The following PLA2G4D variants were observed in gnomAD, a reference collection of about 807,000 sequenced individuals.
PLA2G4D encodes phospholipase A2 group IVD, also known as cytosolic phospholipase A2 delta.
A neutral mutation model predicts 94.4 loss-of-function variants in PLA2G4D; 80 were observed. That is an observed-to-expected ratio of 0.85 (90% CI 0.71 to 1.02). The LOEUF is 1.02. Ranked by LOEUF, PLA2G4D falls within the 50% of genes least tolerant of loss-of-function variation. PLA2G4D has a pLI of 0.00. For missense variants in PLA2G4D, 1,050 were observed against 1,034.7 expected (o/e 1.01, Z -0.20); for synonymous variants, 438 against 440.9 (o/e 0.99, Z 0.08).
intron 1 of PLA2G4D, among the ~76,000 whole-genome samples, chr15:42,089,820 T>C (rs1482764471): frequency 2.2e-4 from 34 of 152,192 alleles, no homozygotes; most frequent in Non-Finnish European, 5.9e-5. Flanking sequence ...CTAAAGTCAC[T>C]TGGGCTACTG....
At position 42,069,940 on chromosome 15, in the gene PLA2G4D, G is replaced by T. The variant is rs201643160; in HGVS notation, c.2199C>A (p.Val733=). Residue 733 remains valine, a synonymous_variant, in exon 19 of 20, where the codon GTC becomes GTA. Coordinates refer to ENST00000290472, the MANE Select transcript of PLA2G4D (RefSeq NM_178034.4). Reference sequence around the variant, plus strand: ...CTGAGTGGTCCTTGAAGGAGGCATTGACCAGCGGGAAGTGCAGCAGGATCG... The same window carrying T: ...CTGAGTGGTCCTTGAAGGAGGCATTTACCAGCGGGAAGTGCAGCAGGATCG... ...EAPILLHFPL[V]NASFKDHSAP... is the part of the protein sequence containing the mutation. 1.4e-6 allele frequency: 2 copies of T among 1,446,484 alleles called. No individual in the cohort carries two copies. Among genetic ancestry groups the T allele is most frequent in the Non-Finnish European group, 1.8e-6 (2 of 1,101,752 alleles). 89.6% of individuals were successfully genotyped at this position (1,446,484 alleles called of 1,614,324 possible). A position where few individuals can be genotyped will look rare whatever the true frequency, so the allele number is the denominator to read the frequency against.
rs1273523218 is a variant in PLA2G4D, at chr15:42,068,334, G to C, written c.*381C>G. ...AGGCAATGTGTTCAGGATGTCTTGT[G>C]ATTCCCGAGGCCTGAAGCCACCTGT... is the stretch of plus-strand genomic sequence containing the variant. On this transcript the variant is annotated 3_prime_UTR_variant, in exon 20 of 20. Coordinates refer to ENST00000290472, the MANE Select transcript of PLA2G4D (RefSeq NM_178034.4). 4.5e-6 allele frequency: 1 copy of C among 220,046 alleles called. No homozygotes were observed. Among genetic ancestry groups the C allele is most frequent in the Non-Finnish European group, 9.1e-6 (1 of 109,788 alleles). 13.6% of individuals were successfully genotyped at this position (220,046 alleles called of 1,614,324 possible). A position where few individuals can be genotyped will look rare whatever the true frequency, so the allele number is the denominator to read the frequency against.
chr15:42,086,023 G>A (rs535371539), intron 4 of PLA2G4D, among the ~76,000 whole-genome samples, 190 bp downstream of exon 4: 1 of 152,378 alleles, frequency 6.6e-6, no homozygotes, highest in South Asian at 2.1e-4. Flanking sequence ...TCCACTGGGT[G>A]ATTCAGCCTG....
rs546974146 is a variant in PLA2G4D, at chr15:42,092,239, C to T, written c.45+2176G>A. ...TTTTCTACATGAGGGAATTGAGGCT[C>T]AGAGAGGCTAACTTGCCCAAGGTCA... On this transcript the variant is annotated intron_variant, in intron 1 of 19. Transcript: ENST00000290472. 2.0e-4 allele frequency among the ~76,000 whole-genome samples: 30 copies of T among 152,300 alleles called. No individual in the cohort carries two copies. The South Asian group carries it at 5.6e-3, about 28-fold the overall frequency.
chr15:42,079,214 G>A (rs1889984455), intron 13 of PLA2G4D, among the ~76,000 whole-genome samples: 1 of 152,190 alleles, frequency 6.6e-6, no homozygotes, highest in African/African-American at 2.4e-5. Context: ...TGAAGATGAA[G>A]AAGAACAGTA....
rs770743738 is a variant in PLA2G4D at position 42,071,306 on chromosome 15, G to C, written c.1693C>G (p.Leu565Val). 6.3e-7 allele frequency: 1 copy of C among 1,585,238 alleles called. No homozygotes were observed. Among genetic ancestry groups the C allele is most frequent in the South Asian group, 1.1e-5 (1 of 87,304 alleles). ...DKTRSLEKEPLTTSGTSSRLE... is the reference protein window; with the variant it reads ...DKTRSLEKEPVTTSGTSSRLE... ...CGCGAGGAGGTCCCCGAGGTGGTCAGGGGCTCCTTCTCTGAAGCCAGAGAA... is the reference window on the plus strand; with the variant it reads ...CGCGAGGAGGTCCCCGAGGTGGTCACGGGCTCCTTCTCTGAAGCCAGAGAA... The change falls in exon 17 of 20, where the codon CTG (leucine) becomes GTG (valine). Residue 565 changes from leucine (L) to valine (V), a missense_variant. By Grantham distance (32) the Leu-to-Val change is conservative. Transcript: ENST00000290472.
Position 42,079,589 on chromosome 15 carries a change from G to T in PLA2G4D, c.1265C>A (p.Thr422Lys), listed in dbSNP as rs556925463. The T allele has an allele frequency of 1.1e-5, 18 of 1,608,840 alleles. No homozygotes were observed. Among genetic ancestry groups the T allele is most frequent in the South Asian group, 3.3e-5 (3 of 90,456 alleles). ...TAGCGCCCACAGGTCCACAAAGGTCGTGGGGTGGCCCTGCTCAGCCCGCAG... is the reference window on the plus strand; with the variant it reads ...TAGCGCCCACAGGTCCACAAAGGTCTTGGGGTGGCCCTGCTCAGCCCGCAG... The part of the protein sequence containing the change: ...LELRAEQGHP[T>K]TFVDLWALVL... The change falls in exon 13 of 20, where the codon ACG becomes AAG. Residue 422 changes from threonine to lysine, a missense_variant. Physicochemically the swap from Thr to Lys is moderately conservative, Grantham distance 78 (BLOSUM62 -1). Transcript: ENST00000290472.
intron 16 of PLA2G4D, 33 bp downstream of exon 16, chr15:42,071,411 T>A: frequency 6.3e-7 from 1 of 1,593,446 alleles, no homozygotes; most frequent in Non-Finnish European, 8.6e-7. Context: ...AACAGCGTCA[T>A]CCCAGGCCCC....
chr15:42,091,996 C>T (rs556519833), intron 1 of PLA2G4D, among the ~76,000 whole-genome samples: 56 of 152,322 alleles, frequency 3.7e-4, no homozygotes, highest in South Asian at 1.7e-3. Context: ...CACAGCCAGA[C>T]ATTCAGGGCC....
At position 42,086,194 on chromosome 15, in the gene PLA2G4D, T is replaced by TGGGGGGGGGGGGGGGGGGG; in HGVS notation, c.387+18_387+19insCCCCCCCCCCCCCCCCCCC. On this transcript the variant is annotated intron_variant, in intron 4 of 19. Coordinates refer to ENST00000290472, the MANE Select transcript of PLA2G4D (RefSeq NM_178034.4). ...GGAAGAAGTGGGGCCCACGGGGACT[T>TGGGGGGGGGGGGGGGGGGG]CCCCACCCACCCACCCACCTGGGGA... The TGGGGGGGGGGGGGGGGGGG allele has an allele frequency of 3.5e-5, 48 of 1,370,380 alleles. No homozygotes were observed. The highest frequency in any genetic ancestry group is 3.1e-5 in the African/African-American group (2 of 64,354). 84.9% of individuals were successfully genotyped at this position (1,370,380 alleles called of 1,614,324 possible). A position where few individuals can be genotyped will look rare whatever the true frequency, so the allele number is the denominator to read the frequency against.
chr15:42,093,005 G>T (rs894587789), intron 1 of PLA2G4D, among the ~76,000 whole-genome samples: 5 of 152,180 alleles, frequency 3.3e-5, no homozygotes, highest in Non-Finnish European at 5.9e-5. Flanking sequence ...CACAGCCCCA[G>T]GCCCTGCACC....
intron 18 of PLA2G4D, 74 bp from the exon 19 acceptor site, chr15:42,070,169 A>G: frequency 7.6e-7 from 1 of 1,319,932 alleles, no homozygotes; most frequent in Non-Finnish European, 9.9e-7. Context: ...AGCCCACACC[A>G]GCTGCTTCAG....
At chr15:42,093,419 G>A (rs7162019) in intron 1 of PLA2G4D, among the ~76,000 whole-genome samples, 12,187 of 152,262 alleles carry the variant, frequency 0.08, 581 homozygotes, top group Middle Eastern at 0.14. Flanking sequence ...TATTCCAGAA[G>A]CCTCCACAAT....
At position 42,082,379 on chromosome 15, in the gene PLA2G4D, C is replaced by T; in HGVS notation, c.683G>A (p.Ser228Asn). 2 of 1,613,746 alleles carry T rather than the reference C, an allele frequency of 1.2e-6. No homozygotes were observed. Among genetic ancestry groups the T allele is most frequent in the Non-Finnish European group, 1.7e-6 (2 of 1,179,706 alleles). Residue 228 changes from serine to asparagine, a missense_variant, in exon 9 of 20, where the codon AGC (serine) becomes AAC (asparagine). By Grantham distance (46) the Ser-to-Asn change is conservative. Transcript: ENST00000290472. Reference sequence around the variant, plus strand: ...TGAGTTGTCCCCATTCCAGCCATTGCTTCTGGAGCTCTGAAGGGAAAGCAT... The same window carrying T: ...TGAGTTGTCCCCATTCCAGCCATTGTTTCTGGAGCTCTGAAGGGAAAGCAT... ...ELSGRLRSSR[S>N]NGWNGDNSAG... is the part of the protein sequence containing the mutation.
chr15:42,071,683 TGAGGTTC>T, intron 15 of PLA2G4D, 84 bp downstream of exon 15: 1 of 963,304 alleles, frequency 1.0e-6, no homozygotes, highest in Non-Finnish European at 1.5e-6. Flanking sequence ...CCCCTTGTCC[TGAGGTTC>T]TGCCCCACCT....
At chr15:42,069,301 G>A (rs1430743919) in intron 19 of PLA2G4D, among the ~76,000 whole-genome samples, 1 of 152,108 alleles carries the variant, frequency 6.6e-6, no homozygotes, top group Non-Finnish European at 1.5e-5. Flanking sequence ...GGGGCAGCGA[G>A]AACTTGCTGA....
chr15:42,068,776 G>T lies in PLA2G4D; in HGVS notation c.2396C>A (p.Ala799Asp). The T allele has an allele frequency of 6.2e-7, 1 of 1,613,152 alleles. No homozygotes were observed. The change falls in exon 20 of 20, where the codon GCC becomes GAC. Residue 799 changes from alanine (A) to aspartate (D), a missense_variant. By Grantham distance (126) the Ala-to-Asp change is moderately radical. Transcript: ENST00000290472. ...VQTSQGAILQALRTALKHRTL... is the reference protein window; with the variant it reads ...VQTSQGAILQDLRTALKHRTL... ...CCGGTGCTTCAGCGCGGTCCTCAGG[G>T]CCTGCAGGATGGCACCCTGGCTGGT...
At chr15:42,079,210 TGAA>T (rs1178191451) in intron 13 of PLA2G4D, among the ~76,000 whole-genome samples, 1 of 152,220 alleles carries the variant, frequency 6.6e-6, no homozygotes, top group African/African-American at 2.4e-5. Context: ...ACCCTGAAGA[TGAA>T]GAAGAACAGT....
At chr15:42,078,991 A>G (rs1403702826) in intron 13 of PLA2G4D, among the ~76,000 whole-genome samples, 1 of 152,252 alleles carries the variant, frequency 6.6e-6, no homozygotes, top group Non-Finnish European at 1.5e-5. Context: ...GAAATATAAT[A>G]GCTGACATTT....
Sources: gnomAD v4.1 joint callset for allele counts (sites outside exome capture counted in the v4.1 genomes callset) on GRCh38, gnomAD v4.1.1 for gene constraint, MANE v1.5 for transcripts, NCBI Gene and HGNC (gene_info 2026-07-23, HGNC 2026-07-21) for gene names.